Variants in NCEH1 observed in about 807,000 individuals in gnomAD.
NCEH1 encodes the protein 2-acetyl MAGE hydrolase.
NCEH1 carries 9 observed loss-of-function variants against 25.4 expected under a neutral mutation model. That is an observed-to-expected ratio of 0.35 (90% CI 0.21 to 0.62). NCEH1 has a LOEUF of 0.62. NCEH1 is among the 20% of genes least tolerant of loss of function. The probability of loss-of-function intolerance (pLI) is 0.72; values close to 1 mark genes in which losing one functional copy is unlikely to be tolerated. For missense variants in NCEH1, 412 were observed against 501.1 expected, an observed-to-expected ratio of 0.82 and a Z score of 1.70; for synonymous variants, 200 against 199.8, an observed-to-expected ratio of 1.00 and a Z score of -0.01.
chr3:172,658,481 T>G lies in NCEH1; in HGVS notation c.139-10367A>C, dbSNP rs543260934. Among the ~76,000 whole-genome samples, 182 of 152,322 alleles carry G rather than the reference T, an allele frequency of 1.2e-3. 1 individual carries two copies. The highest frequency in any genetic ancestry group is 2.1e-3 in the Non-Finnish European group (142 of 68,030). ...CTAAAGGGTTCTATGTGGAGCACAG[T>G]GGCACCCTCTACACATAGCAAAGTA... is the stretch of plus-strand genomic sequence containing the variant. On this transcript the variant is annotated intron_variant, in intron 1 of 4. Transcript: ENST00000475381.
At chr3:172,688,500 T>C (rs963629179) in intron 1 of NCEH1, among the ~76,000 whole-genome samples, 1 of 152,196 alleles carries the variant, frequency 6.6e-6, no homozygotes, top group Non-Finnish European at 1.5e-5. Flanking sequence ...GAGGTAATTA[T>C]GGTCACTCTT....
intron 3 of NCEH1, among the ~76,000 whole-genome samples, chr3:172,640,577 G>A (rs1419204053): frequency 1.3e-5 from 2 of 151,348 alleles, no homozygotes; most frequent in African/African-American, 2.4e-5. Flanking sequence ...GCACAATCTC[G>A]GCTCACTGCA....
chr3:172,641,069 A>G (rs1167334379), intron 3 of NCEH1, among the ~76,000 whole-genome samples: 3 of 152,098 alleles, frequency 2.0e-5, no homozygotes, highest in African/African-American at 7.2e-5. Context: ...ATTGCACTCC[A>G]CCCTAGGCAA....
At chr3:172,648,541 C>T (rs1033974541) in intron 1 of NCEH1, among the ~76,000 whole-genome samples, 1 of 151,952 alleles carries the variant, frequency 6.6e-6, no homozygotes, top group Non-Finnish European at 1.5e-5. Flanking sequence ...GTTCTATTTA[C>T]TTTAATTTCT....
intron 1 of NCEH1, among the ~76,000 whole-genome samples, chr3:172,694,271 G>T (rs1245481072): frequency 1.3e-5 from 2 of 152,178 alleles, no homozygotes; most frequent in African/African-American, 2.4e-5. Context: ...TTTTGAGACA[G>T]ACAGAAAAGG....
intron 1 of NCEH1, among the ~76,000 whole-genome samples, chr3:172,654,664 T>C (rs1287071757): frequency 6.6e-6 from 1 of 152,218 alleles, no homozygotes; most frequent in Non-Finnish European, 1.5e-5. Context: ...TGATAACCCA[T>C]ACACATCAAT....
intron 1 of NCEH1, among the ~76,000 whole-genome samples, chr3:172,698,177 G>A (rs1395685627): frequency 1.3e-5 from 2 of 151,774 alleles, no homozygotes; most frequent in South Asian, 2.1e-4. Flanking sequence ...GGGTTTCACC[G>A]TGTTAGCCAG....
Position 172,631,772 on chromosome 3 carries a change from T to C in NCEH1, c.*1703A>G, listed in dbSNP as rs1024987492. 2.0e-5 allele frequency: 3 copies of C among 152,526 alleles called. No homozygotes were observed. Among genetic ancestry groups the C allele is most frequent in the Non-Finnish European group, 4.4e-5 (3 of 68,016 alleles). 9.4% of individuals were successfully genotyped at this position (152,526 alleles called of 1,614,324 possible). A position where few individuals can be genotyped will look rare whatever the true frequency, so the allele number is the denominator to read the frequency against. ...TTATTTCGTTGCTGGAAGTGGGAAATACCCCATCTTCCCAGGAGTGAAATG... is the reference window on the plus strand; with the variant it reads ...TTATTTCGTTGCTGGAAGTGGGAAACACCCCATCTTCCCAGGAGTGAAATG... On this transcript the variant is annotated 3_prime_UTR_variant, in exon 5 of 5. Coordinates refer to ENST00000475381, the MANE Select transcript of NCEH1 (RefSeq NM_020792.6).
intron 3 of NCEH1, among the ~76,000 whole-genome samples, chr3:172,642,933 G>C (rs1368391251): frequency 7.8e-6 from 1 of 128,634 alleles, no homozygotes; most frequent in Non-Finnish European, 1.7e-5. Context: ...TTTTTGCTTT[G>C]TTTGTTTGTT....
chr3:172,706,897 A>G (rs1260904515), intron 1 of NCEH1, among the ~76,000 whole-genome samples: 1 of 152,204 alleles, frequency 6.6e-6, no homozygotes, highest in Non-Finnish European at 1.5e-5. Flanking sequence ...GACAAGTTCA[A>G]CAAGTTTTTG....
chr3:172,654,460 T>C (rs1717599704), intron 1 of NCEH1, among the ~76,000 whole-genome samples: 1 of 152,234 alleles, frequency 6.6e-6, no homozygotes, highest in African/African-American at 2.4e-5. Flanking sequence ...CAGCGACAGA[T>C]ATTCCAATGT....
At chr3:172,686,145 T>C (rs932477324) in intron 1 of NCEH1, among the ~76,000 whole-genome samples, 10 of 152,232 alleles carry the variant, frequency 6.6e-5, no homozygotes, top group Non-Finnish European at 1.5e-4. Context: ...TTCACAACTC[T>C]TCACATCCCT....
chr3:172,643,221 T>G (rs1032114057), intron 3 of NCEH1, among the ~76,000 whole-genome samples: 6 of 152,124 alleles, frequency 3.9e-5, no homozygotes, highest in Non-Finnish European at 7.4e-5. Context: ...GATACAGTCA[T>G]GAGCCACCGC....
In NCEH1 at chr3:172,703,527, C is replaced by CAAAAAA. The variant is rs11462899; in HGVS notation, c.138+7314_138+7319dup. Among the ~76,000 whole-genome samples, 185 of 80,126 alleles carry CAAAAAA rather than the reference C, an allele frequency of 2.3e-3. 4 individuals carry two copies. The highest frequency in any genetic ancestry group is 4.3e-3 in the African/African-American group (91 of 21,170). The allele number at this position is 80,126 out of a possible 152,430, so 52.6% of individuals were successfully genotyped here. A position where few individuals can be genotyped will look rare whatever the true frequency, so the allele number is the denominator to read the frequency against. ...TGAGTGACAGAGCAAGACTCTGTCT[C>CAAAAAA]AAAAAAAAAAAAAAAAAAAGTAAAT... On this transcript the variant is annotated intron_variant, in intron 1 of 4. Coordinates refer to ENST00000475381, the MANE Select transcript of NCEH1 (RefSeq NM_020792.6).
chr3:172,652,952 G>A lies in NCEH1; in HGVS notation c.139-4838C>T, dbSNP rs140922954. Among the ~76,000 whole-genome samples, 319 of 151,864 alleles carry A rather than the reference G, an allele frequency of 2.1e-3. 2 individuals carry two copies. The South Asian group carries it at 0.021, about 10-fold the overall frequency. ...ACTCCTGACCTGAAGTGATCCACCCGTCTTGGCCTCCCAAAGTGTTGGGAT... is the reference window on the plus strand; with the variant it reads ...ACTCCTGACCTGAAGTGATCCACCCATCTTGGCCTCCCAAAGTGTTGGGAT... On this transcript the variant is annotated intron_variant, in intron 1 of 4. Coordinates refer to ENST00000475381, the MANE Select transcript of NCEH1 (RefSeq NM_020792.6).
Position 172,635,900 on chromosome 3 carries a change from A to T in NCEH1, c.609+16T>A. 6.2e-7 allele frequency: 1 copy of T among 1,613,394 alleles called. No individual in the cohort carries two copies. Among genetic ancestry groups the T allele is most frequent in the South Asian group, 1.1e-5 (1 of 90,986 alleles). ...GCACCGCTTAACCCACCAGCACCTTAGGACAGTGGTGTTACCTGTTGTCCA... is the reference window on the plus strand; with the variant it reads ...GCACCGCTTAACCCACCAGCACCTTTGGACAGTGGTGTTACCTGTTGTCCA... On this transcript the variant is annotated intron_variant, in intron 4 of 4. Transcript: ENST00000475381.
rs774055471 is a variant in NCEH1 at position 172,635,997 on chromosome 3, C to G, written c.528G>C (p.Gln176His). ...TTCTGCCTGGATCAACCATATACTT[C>G]TGTAAGACTTCTGGCTTCAGGAAAT... ...TKYFLKPEVL[Q>H]KYMVDPGRIC... The change falls in exon 4 of 5, where the codon CAG becomes CAC. Residue 176 changes from glutamine (Q) to histidine (H), a missense_variant. Transcript: ENST00000475381. The G allele has an allele frequency of 6.2e-7, 1 of 1,614,154 alleles. No individual in the cohort carries two copies. The highest frequency in any genetic ancestry group is 8.5e-7 in the Non-Finnish European group (1 of 1,180,004).
At chr3:172,707,772 G>A (rs2108232809) in intron 1 of NCEH1, among the ~76,000 whole-genome samples, 1 of 152,244 alleles carries the variant, frequency 6.6e-6, no homozygotes, top group East Asian at 1.9e-4. Flanking sequence ...ATTTTTAGTA[G>A]AGACGAGGTT....
At chr3:172,677,666 C>G (rs1279130910) in intron 1 of NCEH1, among the ~76,000 whole-genome samples, 2 of 152,208 alleles carry the variant, frequency 1.3e-5, no homozygotes, top group African/African-American at 4.8e-5. Context: ...GGGCGGCTCA[C>G]GCCTGTAATC....
Sources: gnomAD v4.1 joint callset for allele counts (sites outside exome capture counted in the v4.1 genomes callset) on GRCh38, gnomAD v4.1.1 for gene constraint, MANE v1.5 for transcripts, NCBI Gene and HGNC (gene_info 2026-07-23, HGNC 2026-07-21) for gene names.